CCDC102B: variants seen among roughly 807,000 people sequenced by gnomAD.
CCDC102B encodes coiled-coil domain containing 102B, also known as coiled-coil domain-containing protein 102B.
In CCDC102B, 75 loss-of-function variants were observed where a neutral mutation model predicts 57.4. That is an observed-to-expected ratio of 1.31 (90% CI 1.08 to 1.58). The LOEUF (loss-of-function observed/expected upper bound fraction) is 1.58, where lower values mean the gene tolerates loss of function less well. Ranked by LOEUF, CCDC102B falls within the 40% of genes most tolerant of loss-of-function variation. The pLI is 0.00. For synonymous variants in CCDC102B, 206 were observed against 201.9 expected, an observed-to-expected ratio of 1.02 and a Z score of -0.17; for missense variants, 636 against 582.6, an observed-to-expected ratio of 1.09 and a Z score of -0.94.
intron 6 of CCDC102B, among the ~76,000 whole-genome samples, chr18:68,956,348 AT>A (rs367788451): frequency 0.022 from 62 of 2,808 alleles, 1 homozygote; most frequent in South Asian, 0.056. Context: ...TAATATATAT[AT>A]TAATATATAT....
chr18:68,820,618 A>G (rs897596946), intron 1 of CCDC102B, among the ~76,000 whole-genome samples: 1 of 152,140 alleles, frequency 6.6e-6, no homozygotes, highest in African/African-American at 2.4e-5. Context: ...CTTCCTGTTA[A>G]GAAAATTTCT....
At chr18:68,829,072 A>G (rs2037034732) in intron 1 of CCDC102B, among the ~76,000 whole-genome samples, 1 of 151,960 alleles carries the variant, frequency 6.6e-6, no homozygotes, top group African/African-American at 2.4e-5. Flanking sequence ...GTTCGCTACA[A>G]CATTTGGATT....
At chr18:68,836,126 C>T (rs940758624) in intron 1 of CCDC102B, among the ~76,000 whole-genome samples, 5 of 152,070 alleles carry the variant, frequency 3.3e-5, no homozygotes, top group African/African-American at 7.2e-5. Flanking sequence ...ATTTGTATTT[C>T]GTAGTGGACA....
chr18:68,754,715 G>A (rs1407262294), intron 2 of CCDC102B: 1 of 152,178 alleles, frequency 6.6e-6, no homozygotes, highest in Non-Finnish European at 1.5e-5. Context: ...CGGACTGAAT[G>A]TGTCTCCTCA....
At chr18:69,011,910 A>G (rs1201384614) in intron 7 of CCDC102B, among the ~76,000 whole-genome samples, 1 of 152,188 alleles carries the variant, frequency 6.6e-6, no homozygotes, top group Non-Finnish European at 1.5e-5. Context: ...TAATTTAATA[A>G]TCAAACTTAC....
At chr18:68,793,945 A>T (rs1014822599), upstream of CCDC102B, among the ~76,000 whole-genome samples, 1 of 152,140 alleles carries the variant, frequency 6.6e-6, no homozygotes, top group Non-Finnish European at 1.5e-5. Context: ...TTTCAATTTC[A>T]TGATTTCTTC....
rs1396551830 is a variant in CCDC102B at position 68,979,875 on chromosome 18, G to A, written c.1264-31059G>A. Among the ~76,000 whole-genome samples the A allele has an allele frequency of 5.9e-5, 9 of 152,006 alleles. No individual in the cohort carries two copies. In the East Asian group the frequency reaches 1.4e-3, roughly 23 times the overall value. On this transcript the variant is annotated intron_variant, in intron 6 of 7. Transcript: ENST00000360242. Reference sequence around the variant, plus strand: ...AAGTCATTTTCTGAGCTCCCTTGCAGCATGAGGTCAGGAGGCTGGTTAGGT... The same window carrying A: ...AAGTCATTTTCTGAGCTCCCTTGCAACATGAGGTCAGGAGGCTGGTTAGGT...
intron 5 of CCDC102B, among the ~76,000 whole-genome samples, chr18:68,878,342 C>T (rs1051350871): frequency 8.5e-5 from 13 of 152,180 alleles, no homozygotes; most frequent in African/African-American, 2.2e-4. Flanking sequence ...AAATGATCCA[C>T]TCACCTCGGC....
At chr18:69,008,122 C>A (rs1213537785) in intron 6 of CCDC102B, among the ~76,000 whole-genome samples, 2 of 152,178 alleles carry the variant, frequency 1.3e-5, no homozygotes, top group Non-Finnish European at 1.5e-5. Flanking sequence ...GCAGCAAATT[C>A]TTTATGTCTG....
chr18:68,952,903 C>G (rs1017977981), intron 6 of CCDC102B, among the ~76,000 whole-genome samples: 5 of 152,084 alleles, frequency 3.3e-5, no homozygotes, highest in African/African-American at 7.2e-5. Flanking sequence ...ACTACTGATA[C>G]TCTTGTACAT....
In CCDC102B at chr18:68,997,606, C is replaced by A. The variant is rs573775034; in HGVS notation, c.1264-13328C>A. Among the ~76,000 whole-genome samples the A allele has an allele frequency of 2.6e-5, 4 of 152,116 alleles. No homozygotes were observed. The East Asian group carries it at 7.7e-4, about 29-fold the overall frequency. The stretch of plus-strand genomic sequence containing the variant: ...AGTGTATGTCTGTTAATCCTTCTAT[C>A]TCATTACAATTTTTTTCAGAACATT... On this transcript the variant is annotated intron_variant, in intron 6 of 7. Transcript: ENST00000360242.
rs192707588 is a variant in CCDC102B, at chr18:68,790,551, G to A, written c.-66-32815G>A. On this transcript the variant is annotated intron_variant, in intron 2 of 3. Transcript: ENST00000578970. ...TCGTGGTGCGCCGTTTTTCAAGCCC[G>A]TCGGAAAAGTGCAGTATTCGGGTGG... 2.1e-3 allele frequency among the ~76,000 whole-genome samples: 322 copies of A among 152,252 alleles called. 2 individuals carry two copies. The highest frequency in any genetic ancestry group is 0.017 in the Admixed American group (265 of 15,294).
chr18:68,766,386 C>CT (rs1393969086), intron 2 of CCDC102B, among the ~76,000 whole-genome samples: 2 of 152,134 alleles, frequency 1.3e-5, no homozygotes, highest in Non-Finnish European at 2.9e-5. Context: ...AAAATCAGGT[C>CT]TTACAGTTTT....
intron 2 of CCDC102B, among the ~76,000 whole-genome samples, chr18:68,738,993 C>CTTTTTTTTTTTTTTTTTTTCTTTT (rs201214278): frequency 2.8e-5 from 4 of 144,974 alleles, no homozygotes; most frequent in African/African-American, 1.1e-4. Context: ...GATGAGCAGC[C>CTTTTTTTTTTTTTTTTTTTCTTTT]TTTTGTTTTT....
At chr18:68,854,725 G>A (rs1399690819) in intron 4 of CCDC102B, among the ~76,000 whole-genome samples, 1 of 151,922 alleles carries the variant, frequency 6.6e-6, no homozygotes, top group African/African-American at 2.4e-5. Flanking sequence ...TGCTACCTCG[G>A]GATCTGACTC....
At chr18:68,933,104 A>G (rs1215306688) in intron 6 of CCDC102B, among the ~76,000 whole-genome samples, 5 of 151,496 alleles carry the variant, frequency 3.3e-5, no homozygotes, top group East Asian at 3.9e-4. Flanking sequence ...TCATAAAAAA[A>G]AAAATATTAG....
chr18:68,978,674 C>T (rs568240465), intron 6 of CCDC102B, among the ~76,000 whole-genome samples: 103 of 151,982 alleles, frequency 6.8e-4, no homozygotes, highest in African/African-American at 2.4e-3. Flanking sequence ...AATGTAAACA[C>T]AAATATTTAT....
chr18:68,977,984 C>T (rs899998640), intron 6 of CCDC102B, among the ~76,000 whole-genome samples: 2 of 151,918 alleles, frequency 1.3e-5, no homozygotes, highest in African/African-American at 4.8e-5. Context: ...TGGTCTACTC[C>T]CTACCTGTGA....
intron 6 of CCDC102B, among the ~76,000 whole-genome samples, chr18:68,965,725 C>T (rs2050151601): frequency 6.6e-6 from 1 of 151,708 alleles, no homozygotes; most frequent in Non-Finnish European, 1.5e-5. Flanking sequence ...TTATCTTTTT[C>T]CATTTGAGTT....
Sources: allele counts gnomAD v4.1 joint callset (sites outside exome capture counted in the v4.1 genomes callset), GRCh38; gene constraint gnomAD v4.1.1; transcripts MANE v1.5; gene names NCBI Gene and HGNC (gene_info 2026-07-23, HGNC 2026-07-21).